Variants in AFF3 observed in about 807,000 individuals in gnomAD.
AFF3 encodes the protein AF4/FMR2 family member 3.
Under a neutral mutation model 129.7 loss-of-function variants are expected in AFF3, and 32 were observed. The ratio of observed to expected loss-of-function variants is 0.25; its 90% CI spans 0.19 to 0.33. AFF3 has a LOEUF of 0.33. Among genes scored for constraint, AFF3 ranks in the 10% least tolerant of loss-of-function variants. The probability of loss-of-function intolerance (pLI) is 1.00; values close to 1 mark genes in which losing one functional copy is unlikely to be tolerated. For missense variants in AFF3, 1,373 were observed against 1,592.0 expected, an observed-to-expected ratio of 0.86 and a Z score of 2.34; for synonymous variants, 644 against 635.4, an observed-to-expected ratio of 1.01 and a Z score of -0.20.
intron 16 of AFF3, among the ~76,000 whole-genome samples, chr2:99,583,456 C>T (rs1677778917): frequency 6.6e-6 from 1 of 152,202 alleles, no homozygotes; most frequent in South Asian, 2.1e-4. Context: ...GATCTTGGCT[C>T]ACTGTAGCCC....
chr2:100,123,159 A>G (rs538892154), intron 2 of AFF3, among the ~76,000 whole-genome samples: 1 of 152,354 alleles, frequency 6.6e-6, no homozygotes, highest in South Asian at 2.1e-4. Context: ...TAATGCAAAA[A>G]TGTCTACCAT....
chr2:99,894,796 T>A (rs1693823788), intron 7 of AFF3, among the ~76,000 whole-genome samples: 1 of 152,206 alleles, frequency 6.6e-6, no homozygotes, highest in South Asian at 2.1e-4. Flanking sequence ...TTTAAAATGC[T>A]TAAATTACAT....
intron 12 of AFF3, among the ~76,000 whole-genome samples, chr2:99,669,786 A>G (rs1426550379): frequency 1.3e-5 from 2 of 152,172 alleles, no homozygotes; most frequent in African/African-American, 4.8e-5. Flanking sequence ...TCTGGCCAAC[A>G]TGGTGAAACC....
intron 8 of AFF3, among the ~76,000 whole-genome samples, chr2:99,775,073 T>C (rs1683786798): frequency 6.6e-6 from 1 of 152,168 alleles, no homozygotes; most frequent in Non-Finnish European, 1.5e-5. Flanking sequence ...ATGGCTATTA[T>C]TAAAAAATCA....
chr2:99,708,137 A>C (rs1363892021), intron 11 of AFF3, among the ~76,000 whole-genome samples: 1 of 152,174 alleles, frequency 6.6e-6, no homozygotes, highest in Admixed American at 6.5e-5. Flanking sequence ...ATTGCATGGG[A>C]CATACATATT....
At chr2:99,923,661 T>G (rs1337568160) in intron 7 of AFF3, among the ~76,000 whole-genome samples, 1 of 152,152 alleles carries the variant, frequency 6.6e-6, no homozygotes, top group Admixed American at 6.5e-5. Flanking sequence ...GAACATATTG[T>G]TCGTTCTTTT....
chr2:99,960,489 C>T (rs1336192270), intron 7 of AFF3, among the ~76,000 whole-genome samples: 1 of 152,142 alleles, frequency 6.6e-6, no homozygotes, highest in Non-Finnish European at 1.5e-5. Context: ...ACCATATGGA[C>T]TAACTCAGAG....
chr2:99,785,317 C>T (rs1684709852), intron 8 of AFF3, among the ~76,000 whole-genome samples: 1 of 152,222 alleles, frequency 6.6e-6, no homozygotes, highest in Non-Finnish European at 1.5e-5. Context: ...CTTAGTGCCA[C>T]ACTCACATTA....
intron 2 of AFF3, among the ~76,000 whole-genome samples, chr2:100,125,688 G>A (rs1442482407): frequency 6.6e-6 from 1 of 152,170 alleles, no homozygotes; most frequent in East Asian, 1.9e-4. Flanking sequence ...TGTAAAGGGG[G>A]TGGTCACCTT....
At chr2:100,003,241 T>C (rs1026321708) in intron 7 of AFF3, among the ~76,000 whole-genome samples, 1 of 152,216 alleles carries the variant, frequency 6.6e-6, no homozygotes, top group Non-Finnish European at 1.5e-5. Context: ...CACAAAACTG[T>C]ATCTGCCTCT....
At chr2:99,764,040 G>A (rs1270466863) in intron 8 of AFF3, among the ~76,000 whole-genome samples, 1 of 152,188 alleles carries the variant, frequency 6.6e-6, no homozygotes, top group Non-Finnish European at 1.5e-5. Flanking sequence ...AGTTTGAGAG[G>A]CAGCTTTCAG....
chr2:99,945,980 A>G (rs899597347), intron 7 of AFF3, among the ~76,000 whole-genome samples: 10 of 152,254 alleles, frequency 6.6e-5, no homozygotes, highest in African/African-American at 2.4e-4. Context: ...ACGTATGTGC[A>G]AAGCCAGTTA....
intron 7 of AFF3, among the ~76,000 whole-genome samples, chr2:99,847,147 A>G (rs1396956423): frequency 1.3e-5 from 2 of 151,934 alleles, no homozygotes; most frequent in Non-Finnish European, 2.9e-5. Flanking sequence ...TCTACCTACA[A>G]CACCCTATTT....
In AFF3 at chr2:100,006,952, G is replaced by C; in HGVS notation, c.553C>G (p.Gln185Glu). 1 of 1,614,138 alleles carries C rather than the reference G, an allele frequency of 6.2e-7. No individual in the cohort carries two copies. Among genetic ancestry groups the C allele is most frequent in the Non-Finnish European group, 8.5e-7 (1 of 1,180,004 alleles). The change falls in exon 7 of 25, where the codon CAA becomes GAA. Residue 185 changes from glutamine to glutamate, a missense_variant. Physicochemically the swap from Gln to Glu is conservative, Grantham distance 29. Transcript: ENST00000672756. ...AGGCCCACCTCCACATTGCACACTT[G>C]TTTGGCCCGAGGCTGCTGTCTGCCA... ...GVGRQQPRAK[Q>E]VCNVEVGLQT...
At chr2:99,874,812 A>G (rs935661476) in intron 7 of AFF3, among the ~76,000 whole-genome samples, 2 of 152,138 alleles carry the variant, frequency 1.3e-5, no homozygotes, top group Non-Finnish European at 2.9e-5. Flanking sequence ...TTTATGTAAG[A>G]GCTTGTCCTT....
At chr2:99,756,825 A>G (rs1014652681) in intron 8 of AFF3, among the ~76,000 whole-genome samples, 4 of 152,214 alleles carry the variant, frequency 2.6e-5, no homozygotes, top group African/African-American at 9.6e-5. Flanking sequence ...TTATACACAT[A>G]AGAGTCCATA....
At chr2:99,940,084 A>G (rs1674884276) in intron 7 of AFF3, among the ~76,000 whole-genome samples, 1 of 152,188 alleles carries the variant, frequency 6.6e-6, no homozygotes, top group Non-Finnish European at 1.5e-5. Context: ...TAATGTGGCA[A>G]ATGCCCCATG....
rs150497459 is a variant in AFF3, at chr2:99,788,092, G to T, written c.922-35791C>A. ...ATGCTGGCGTAAATAAACCTAATGC[G>T]ATGCCAGTCATATAAAAGTATGGCA... On this transcript the variant is annotated intron_variant, in intron 8 of 24. Transcript: ENST00000672756. Among the ~76,000 whole-genome samples the T allele has an allele frequency of 5.1e-3, 776 of 152,196 alleles. 9 individuals are homozygous for T. The highest frequency in any genetic ancestry group is 0.017 in the African/African-American group (685 of 41,506).
At chr2:99,588,885 A>C (rs1678386172) in intron 15 of AFF3, among the ~76,000 whole-genome samples, 5 of 152,224 alleles carry the variant, frequency 3.3e-5, no homozygotes, top group Admixed American at 3.3e-4. Context: ...ATGTTCTTTC[A>C]CTTCTCTTGT....
Sources: gnomAD v4.1 joint callset for allele counts (sites outside exome capture counted in the v4.1 genomes callset) on GRCh38, gnomAD v4.1.1 for gene constraint, MANE v1.5 for transcripts, NCBI Gene and HGNC (gene_info 2026-07-23, HGNC 2026-07-21) for gene names.